The following DAZAP2 variants were observed in gnomAD, a reference collection of about 807,000 sequenced individuals.
The protein encoded by DAZAP2 is DAZ associated protein 2, also known as DAZ-associated protein 2.
DAZAP2 carries 3 observed loss-of-function variants against 16.2 expected under a neutral mutation model. The ratio of observed to expected loss-of-function variants is 0.19; its 90% CI spans 0.08 to 0.48. The LOEUF (loss-of-function observed/expected upper bound fraction) is 0.48, where lower values mean the gene tolerates loss of function less well. Among genes scored for constraint, DAZAP2 ranks in the 20% least tolerant of loss-of-function variants. DAZAP2 has a pLI of 0.98. For synonymous variants in DAZAP2, 69 were observed against 77.6 expected, an observed-to-expected ratio of 0.89 and a Z score of 0.58; for missense variants, 172 against 215.9, an observed-to-expected ratio of 0.80 and a Z score of 1.27.
In DAZAP2 at chr12:51,240,402, C is replaced by T; in HGVS notation, c.73C>T (p.Gln25Ter). Residue 25 changes from glutamine to a stop codon, truncating the protein, a stop_gained, in exon 2 of 4, where the codon CAG (glutamine) becomes TAG (stop). Coordinates refer to ENST00000412716, the MANE Select transcript of DAZAP2 (RefSeq NM_014764.4). LOFTEE classifies it high-confidence loss of function. Reference protein sequence around the residue: ...VQPPGNPVYPQTLHLPQAPPY... With the variant: ...VQPPGNPVYP Reference sequence around the variant, plus strand: ...GCCTCCTGGGAATCCAGTATACCCTCAGACCTTGCATCTTCCTCAGGCTCC... The same window carrying T: ...GCCTCCTGGGAATCCAGTATACCCTTAGACCTTGCATCTTCCTCAGGCTCC... The T allele has an allele frequency of 6.2e-7, 1 of 1,614,184 alleles. No individual in the cohort carries two copies. Among genetic ancestry groups the T allele is most frequent in the Non-Finnish European group, 8.5e-7 (1 of 1,180,040 alleles).
chr12:51,242,095 C>T (rs1308656822), intron 3 of DAZAP2, among the ~76,000 whole-genome samples: 2 of 152,132 alleles, frequency 1.3e-5, no homozygotes, highest in Non-Finnish European at 2.9e-5. Context: ...TAGCCATAGG[C>T]TTCATCTTAG....
chr12:51,243,892 CT>C lies in DAZAP2; in HGVS notation c.*1437del. 1 of 985,240 alleles carries C rather than the reference CT, an allele frequency of 1.0e-6. No homozygotes were observed. The highest frequency in any genetic ancestry group is 1.2e-6 in the Non-Finnish European group (1 of 829,912). The allele number at this position is 985,240 out of a possible 1,614,324, so 61.0% of individuals were successfully genotyped here. On this transcript the variant is annotated 3_prime_UTR_variant, in exon 4 of 4. Transcript: ENST00000412716. ...CTAGGTGCTGCTGCTGCTCTGTTTCCTTTGATGACGCTTTGAAATAAAGGCA... is the reference window on the plus strand; with the variant it reads ...CTAGGTGCTGCTGCTGCTCTGTTTCCTTGATGACGCTTTGAAATAAAGGCA...
rs971846387 is a variant in DAZAP2, at chr12:51,243,867, C to T, written c.*1409C>T. On this transcript the variant is annotated 3_prime_UTR_variant, in exon 4 of 4. Coordinates refer to ENST00000412716, the MANE Select transcript of DAZAP2 (RefSeq NM_014764.4). ...TATTTATATCCCATCTAGAATTCAG[C>T]TAGGTGCTGCTGCTGCTCTGTTTCC... 3.0e-6 allele frequency: 3 copies of T among 985,406 alleles called. No homozygotes were observed. The highest frequency in any genetic ancestry group is 3.6e-6 in the Non-Finnish European group (3 of 829,910). 61.0% of individuals were successfully genotyped at this position (985,406 alleles called of 1,614,324 possible).
intron 1 of DAZAP2, 197 bp downstream of exon 1, chr12:51,239,117 C>A: frequency 1.4e-6 from 1 of 738,032 alleles, no homozygotes; most frequent in Non-Finnish European, 2.1e-6. Flanking sequence ...CAGGCCCTTT[C>A]CTCCGTAAAC....
intron 2 of DAZAP2, 87 bp from the exon 3 acceptor site, chr12:51,240,784 A>G: frequency 6.6e-7 from 1 of 1,523,932 alleles, no homozygotes; most frequent in Non-Finnish European, 8.9e-7. Context: ...TAACCTGCAT[A>G]AGGAGAATTA....
Position 51,238,857 on chromosome 12 carries a change from C to G in DAZAP2, c.-51C>G. The G allele has an allele frequency of 1.2e-6, 2 of 1,612,276 alleles. No homozygotes were observed. Among genetic ancestry groups the G allele is most frequent in the Non-Finnish European group, 1.7e-6 (2 of 1,179,692 alleles). ...GAAGTAGCTCCGAACAGGAAGAGGA[C>G]GAAAAAAATAACCGTCCGCGACGCC... On this transcript the variant is annotated 5_prime_UTR_variant, in exon 1 of 4. Transcript: ENST00000412716.
downstream of DAZAP2, among the ~76,000 whole-genome samples, chr12:51,244,177 G>A (rs946076091): frequency 6.6e-6 from 1 of 152,082 alleles, no homozygotes; most frequent in African/African-American, 2.4e-5. Flanking sequence ...TAGAATCTAG[G>A]TTGCCAAGAT....
chr12:51,243,864 C>G lies in DAZAP2; in HGVS notation c.*1406C>G. 1 of 985,354 alleles carries G rather than the reference C, an allele frequency of 1.0e-6. No homozygotes were observed. The allele number at this position is 985,354 out of a possible 1,614,324, so 61.0% of individuals were successfully genotyped here. A position where few individuals can be genotyped will look rare whatever the true frequency, so the allele number is the denominator to read the frequency against. ...TTTTATTTATATCCCATCTAGAATT[C>G]AGCTAGGTGCTGCTGCTGCTCTGTT... On this transcript the variant is annotated 3_prime_UTR_variant, in exon 4 of 4. Coordinates refer to ENST00000412716, the MANE Select transcript of DAZAP2 (RefSeq NM_014764.4).
At chr12:51,241,930 T>TA (rs397790864) in intron 3 of DAZAP2, among the ~76,000 whole-genome samples, 3,966 of 142,076 alleles carry the variant, frequency 0.028, 130 homozygotes, top group African/African-American at 0.078. Flanking sequence ...TCAAAAAAAT[T>TA]AAAAAAAAAA....
At chr12:51,242,008 G>A (rs573301079) in intron 3 of DAZAP2, among the ~76,000 whole-genome samples, 22 of 152,174 alleles carry the variant, frequency 1.4e-4, no homozygotes, top group African/African-American at 5.3e-4. Flanking sequence ...CCCTGTCCCT[G>A]TTTTGGGAAT....
At chr12:51,246,301 G>T (rs1266642377), downstream of DAZAP2, 5 of 802,384 alleles carry the variant, frequency 6.2e-6, no homozygotes, top group East Asian at 8.2e-5. Flanking sequence ...CATAATAGCT[G>T]GAGTCTCCTG....
chr12:51,242,248 C>T (rs1944690277), intron 3 of DAZAP2, 82 bp from the exon 4 acceptor site: 1 of 1,504,368 alleles, frequency 6.6e-7, no homozygotes, highest in Admixed American at 2.3e-5. Flanking sequence ...TTGCCTCATC[C>T]TAACAGGCCT....
downstream of DAZAP2, among the ~76,000 whole-genome samples, chr12:51,244,162 A>ACTC (rs1304408526): frequency 6.6e-6 from 1 of 152,156 alleles, no homozygotes; most frequent in African/African-American, 2.4e-5. Flanking sequence ...AATACTGAAA[A>ACTC]CTCATAGAAT....
downstream of DAZAP2, chr12:51,246,171 A>C (rs1238111800): frequency 2.5e-6 from 4 of 1,601,328 alleles, no homozygotes; most frequent in Non-Finnish European, 3.4e-6. Context: ...AGGATGTCTC[A>C]GTAGTTCCTG....
At chr12:51,242,275 C>T in intron 3 of DAZAP2, 55 bp from the exon 4 acceptor site, 2 of 1,525,128 alleles carry the variant, frequency 1.3e-6, no homozygotes, top group South Asian at 1.3e-5. Context: ...CCCCTATGTC[C>T]CCTTCGCTTA....
intron 3 of DAZAP2, 50 bp from the exon 4 acceptor site, chr12:51,242,280 C>A: frequency 6.5e-7 from 1 of 1,527,052 alleles, no homozygotes; most frequent in Non-Finnish European, 8.8e-7. Flanking sequence ...ATGTCCCCTT[C>A]GCTTATATTA....
rs545653589 is a variant in DAZAP2, at chr12:51,238,844, A to C, written c.-64A>C. 9.3e-6 allele frequency: 15 copies of C among 1,611,428 alleles called. No homozygotes were observed. The East Asian group carries it at 2.5e-4, about 26-fold the overall frequency. On this transcript the variant is annotated 5_prime_UTR_variant, in exon 1 of 4. Coordinates refer to ENST00000412716, the MANE Select transcript of DAZAP2 (RefSeq NM_014764.4). ...ATCATGTGACACGGAAGTAGCTCCG[A>C]ACAGGAAGAGGACGAAAAAAATAAC...
At chr12:51,239,909 C>T (rs935531553) in intron 1 of DAZAP2, 1 of 173,784 alleles carries the variant, frequency 5.8e-6, no homozygotes, top group Admixed American at 5.8e-5. Flanking sequence ...GTTTGGAAGT[C>T]GACCTTGAAT....
At chr12:51,244,821 T>TTTA (rs1565655309), downstream of DAZAP2, 2 of 14,594 alleles carry the variant, frequency 1.4e-4, no homozygotes, top group African/African-American at 1.9e-4. Flanking sequence ...CCCAGGGTAC[T>TTTA]TTTTTTTTTT....
Sources: gnomAD v4.1 joint callset for allele counts (sites outside exome capture counted in the v4.1 genomes callset) on GRCh38, gnomAD v4.1.1 for gene constraint, MANE v1.5 for transcripts, NCBI Gene and HGNC (gene_info 2026-07-23, HGNC 2026-07-21) for gene names.